The following CSPP1 variants were observed in gnomAD, a reference collection of about 807,000 sequenced individuals.
The protein encoded by CSPP1 is centrosome and spindle pole associated protein 1, also known as centrosome and spindle pole-associated protein 1.
A neutral mutation model predicts 164.4 loss-of-function variants in CSPP1; 126 were observed. The observed-to-expected ratio is 0.77, with a 90% CI of 0.66 to 0.89. The LOEUF (loss-of-function observed/expected upper bound fraction) is 0.89. CSPP1 is among the 40% of genes least tolerant of loss of function. The pLI is 0.00. For missense variants in CSPP1, 1,395 were observed against 1,449.8 expected (o/e 0.96, Z 0.61); for synonymous variants, 472 against 476.7 (o/e 0.99, Z 0.13).
intron 4 of CSPP1, among the ~76,000 whole-genome samples, chr8:67,090,487 G>C (rs1811392554): frequency 6.6e-6 from 1 of 151,990 alleles, no homozygotes; most frequent in African/African-American, 2.4e-5. Flanking sequence ...GTTTCGCCTT[G>C]TTGCCCAGGC....
chr8:67,099,814 G>A (rs1191430789), intron 7 of CSPP1, among the ~76,000 whole-genome samples: 1 of 152,116 alleles, frequency 6.6e-6, no homozygotes. Context: ...CATAAAAATT[G>A]TAGGGATATT....
Position 67,184,744 on chromosome 8 carries a change from T to TATAATAATAATAATA in CSPP1, c.3220+4829_3220+4843dup, listed in dbSNP as rs377423199. On this transcript the variant is annotated intron_variant, in intron 28 of 30. Transcript: ENST00000678616. ...GTCTAAAAAAATAATAATAAAAAAA[T>TATAATAATAATAATA]ATAATAATAATAATAATAATAATAA... 4.5e-3 allele frequency among the ~76,000 whole-genome samples: 645 copies of TATAATAATAATAATA among 142,506 alleles called. 4 individuals carry two copies. The highest frequency in any genetic ancestry group is 0.012 in the African/African-American group (451 of 38,074). 93.5% of individuals were successfully genotyped at this position (142,506 alleles called of 152,430 possible).
At chr8:67,067,453 G>C (rs575786571) in intron 1 of CSPP1, among the ~76,000 whole-genome samples, 1 of 150,828 alleles carries the variant, frequency 6.6e-6, no homozygotes, top group African/African-American at 2.4e-5. Flanking sequence ...TGTTTTTTTT[G>C]TTTGTTTGTT....
intron 28 of CSPP1, among the ~76,000 whole-genome samples, chr8:67,187,930 AGAT>A (rs1358076617): frequency 2.0e-5 from 3 of 152,258 alleles, no homozygotes; most frequent in Admixed American, 6.5e-5. Flanking sequence ...TAAAACTCAT[AGAT>A]GATAACAACA....
At chr8:67,165,359 T>C (rs1229542813) in intron 24 of CSPP1, among the ~76,000 whole-genome samples, 2 of 152,198 alleles carry the variant, frequency 1.3e-5, no homozygotes, top group African/African-American at 4.8e-5. Context: ...TAACATCTTA[T>C]ATTACCATGG....
chr8:67,106,292 A>G (rs969936172), intron 9 of CSPP1, among the ~76,000 whole-genome samples: 12 of 151,702 alleles, frequency 7.9e-5, no homozygotes, highest in Non-Finnish European at 1.5e-5. Context: ...AGTTTCAGTA[A>G]TCTTTTTTTT....
intron 15 of CSPP1, among the ~76,000 whole-genome samples, chr8:67,130,084 T>G (rs942876388): frequency 1.3e-5 from 2 of 152,172 alleles, no homozygotes; most frequent in African/African-American, 4.8e-5. Context: ...CCCATGTATG[T>G]GGAGGGCCTA....
intron 2 of CSPP1, chr8:67,074,895 C>G (rs537852966): frequency 5.3e-6 from 1 of 190,132 alleles, no homozygotes; most frequent in Non-Finnish European, 1.1e-5. Flanking sequence ...ATTCTTCTGC[C>G]TCAGCCTCAT....
intron 21 of CSPP1, 93 bp downstream of exon 21, chr8:67,159,230 A>G (rs1298993157): frequency 8.2e-7 from 1 of 1,222,020 alleles, no homozygotes; most frequent in African/African-American, 1.5e-5. Flanking sequence ...GAGAAAGAGG[A>G]GGAGGTGCTT....
intron 24 of CSPP1, 63 bp downstream of exon 24, chr8:67,164,571 G>C (rs1410918573): frequency 1.3e-6 from 1 of 748,124 alleles, no homozygotes; most frequent in East Asian, 2.5e-5. Flanking sequence ...CACCTATCCA[G>C]TAATTTTGTA....
intron 8 of CSPP1, among the ~76,000 whole-genome samples, chr8:67,103,890 T>C (rs72654943): frequency 2.0e-5 from 3 of 152,098 alleles, no homozygotes; most frequent in Non-Finnish European, 2.9e-5. Flanking sequence ...GGTGTGAATT[T>C]TTCTTTCAAA....
intron 4 of CSPP1, 25 bp from the exon 5 acceptor site, chr8:67,091,777 TA>T (rs1380569319): frequency 1.2e-5 from 10 of 849,338 alleles, no homozygotes; most frequent in East Asian, 6.5e-5. Context: ...TTAGGTAATA[TA>T]TTTTTTTAAT....
chr8:67,179,785 G>A, intron 27 of CSPP1, 78 bp from the exon 28 acceptor site: 1 of 927,008 alleles, frequency 1.1e-6, no homozygotes, highest in Non-Finnish European at 1.8e-6. Context: ...GTGGAAACTT[G>A]TGCCTCTTCT....
chr8:67,114,354 A>G lies in CSPP1; in HGVS notation c.1271A>G (p.Gln424Arg), dbSNP rs1460240628. Reference protein sequence around the residue: ...KSWNELLTSLQLSKEEPDRLK... With the variant: ...KSWNELLTSLRLSKEEPDRLK... ...TGGAATGAATTACTCACATCATTGC[A>G]GTTAAGTAAGGAGGAGGTAATTTAT... The change falls in exon 12 of 31, where the codon CAG (glutamine) becomes CGG (arginine). Residue 424 changes from glutamine to arginine, a missense_variant. By Grantham distance (43) the Gln-to-Arg change is conservative. Transcript: ENST00000678616. The G allele has an allele frequency of 6.6e-6, 1 of 152,638 alleles. No individual in the cohort carries two copies. Among genetic ancestry groups the G allele is most frequent in the Non-Finnish European group, 1.5e-5 (1 of 68,038 alleles). 9.5% of individuals were successfully genotyped at this position (152,638 alleles called of 1,614,324 possible).
At chr8:67,099,898 T>C (rs188587774) in intron 7 of CSPP1, among the ~76,000 whole-genome samples, 2 of 152,080 alleles carry the variant, frequency 1.3e-5, no homozygotes, top group East Asian at 1.9e-4. Context: ...TCAAGGTTTC[T>C]TTTTTTTAGG....
chr8:67,095,204 T>TAAACTA (rs1812499014), intron 6 of CSPP1, 89 bp from the exon 7 acceptor site: 1 of 664,920 alleles, frequency 1.5e-6, no homozygotes. Context: ...GTTGAAATGA[T>TAAACTA]AGACTAAGTA....
chr8:67,168,284 G>A (rs1426568921), intron 24 of CSPP1, among the ~76,000 whole-genome samples: 1 of 149,468 alleles, frequency 6.7e-6, no homozygotes, highest in Non-Finnish European at 1.5e-5. Context: ...GAGGGAGACC[G>A]TGGAAAGAGA....
intron 1 of CSPP1, among the ~76,000 whole-genome samples, chr8:67,072,946 A>C (rs1807142527): frequency 6.6e-6 from 1 of 152,046 alleles, no homozygotes; most frequent in Non-Finnish European, 1.5e-5. Context: ...ATACTTTCCC[A>C]ATGATTATAT....
chr8:67,110,836 G>A (rs1194925907), intron 9 of CSPP1, among the ~76,000 whole-genome samples: 2 of 151,126 alleles, frequency 1.3e-5, no homozygotes, highest in African/African-American at 2.5e-5. Context: ...TGTATTTTGC[G>A]CAGTTTTCTA....
Sources: gnomAD v4.1 joint callset for allele counts (sites outside exome capture counted in the v4.1 genomes callset) on GRCh38, gnomAD v4.1.1 for gene constraint, MANE v1.5 for transcripts, NCBI Gene and HGNC (gene_info 2026-07-23, HGNC 2026-07-21) for gene names.